The following ABCA13 variants were observed in gnomAD, a reference collection of about 807,000 sequenced individuals.
The protein encoded by ABCA13 is ATP-binding cassette sub-family A member 13.
Under a neutral mutation model 478.7 loss-of-function variants are expected in ABCA13, and 476 were observed. The ratio of observed to expected loss-of-function variants is 0.99; its 90% CI spans 0.92 to 1.07. The LOEUF is 1.07. Among genes scored for constraint, ABCA13 ranks in the 50% least tolerant of loss-of-function variants. ABCA13 has a pLI of 0.00. For synonymous variants in ABCA13, 2,252 were observed against 2,158.9 expected (o/e 1.04, Z -1.20); for missense variants, 6,060 against 5,910.6 (o/e 1.03, Z -0.83).
chr7:48,641,083 T>A (rs1275459341), intron 59 of ABCA13, among the ~76,000 whole-genome samples: 1 of 152,216 alleles, frequency 6.6e-6, no homozygotes. Context: ...ATTTTAATTA[T>A]TAATGTGCAT....
intron 1 of ABCA13, among the ~76,000 whole-genome samples, chr7:48,188,771 A>G (rs998335323): frequency 1.3e-5 from 2 of 152,120 alleles, no homozygotes; most frequent in Non-Finnish European, 2.9e-5. Flanking sequence ...ATGTCTTCCC[A>G]AATGCCATCG....
At position 48,279,261 on chromosome 7, in the gene ABCA13, C is replaced by A. The variant is rs191114477; in HGVS notation, c.8067C>A (p.Asn2689Lys). The A allele has an allele frequency of 6.3e-7, 1 of 1,588,458 alleles. No individual in the cohort carries two copies. The highest frequency in any genetic ancestry group is 1.3e-5 in the African/African-American group (1 of 74,710). ...GCLVPINNITNQMDFLYPNPI... is the reference protein window; with the variant it reads ...GCLVPINNITKQMDFLYPNPI... ...TAGTTCCTATAAATAACATCACCAA[C>A]CAAATGGACTTCTTATACCCTAATC... Residue 2689 changes from asparagine to lysine, a missense_variant, in exon 18 of 62, where the codon AAC becomes AAA. Asn to Lys is a moderately conservative substitution (Grantham distance 94). Coordinates refer to ENST00000435803, the MANE Select transcript of ABCA13 (RefSeq NM_152701.5).
chr7:48,258,047 C>T (rs1164146861), intron 15 of ABCA13, among the ~76,000 whole-genome samples: 1 of 152,164 alleles, frequency 6.6e-6, no homozygotes, highest in Non-Finnish European at 1.5e-5. Context: ...CCTCAACCTC[C>T]CTAGTATCTG....
intron 58 of ABCA13, 34 bp downstream of exon 58, chr7:48,594,847 A>T (rs1192131154): frequency 2.5e-6 from 4 of 1,583,624 alleles, no homozygotes; most frequent in Non-Finnish European, 3.5e-6. Context: ...CCATTTCCTG[A>T]TAAGACTGAG....
chr7:48,330,613 C>G (rs1805214073), intron 27 of ABCA13, among the ~76,000 whole-genome samples: 1 of 151,512 alleles, frequency 6.6e-6, no homozygotes, highest in African/African-American at 2.4e-5. Context: ...ATCCATCCAT[C>G]CATCCATCCA....
chr7:48,557,098 G>A (rs1785912158), intron 55 of ABCA13, among the ~76,000 whole-genome samples: 1 of 151,894 alleles, frequency 6.6e-6, no homozygotes, highest in African/African-American at 2.4e-5. Flanking sequence ...TTTTAATCTT[G>A]TCCTCCAGCT....
At chr7:48,176,752 C>T (rs1173587986) in intron 1 of ABCA13, among the ~76,000 whole-genome samples, 1 of 150,550 alleles carries the variant, frequency 6.6e-6, no homozygotes, top group East Asian at 2.0e-4. Context: ...AGAGATCTAC[C>T]CTGGGGCTAG....
At chr7:48,630,951 A>T (rs1026107056) in intron 59 of ABCA13, among the ~76,000 whole-genome samples, 16 of 150,758 alleles carry the variant, frequency 1.1e-4, no homozygotes, top group Non-Finnish European at 1.8e-4. Flanking sequence ...CTGCTTATAG[A>T]TCTTCTTTTG....
chr7:48,249,660 TC>T (rs1381017437), intron 15 of ABCA13, among the ~76,000 whole-genome samples: 3 of 152,196 alleles, frequency 2.0e-5, no homozygotes, highest in African/African-American at 7.2e-5. Flanking sequence ...ATGATCCTAC[TC>T]ACAAGAGTCC....
chr7:48,283,834 T>G (rs978278413), intron 19 of ABCA13, among the ~76,000 whole-genome samples: 2 of 152,160 alleles, frequency 1.3e-5, no homozygotes, highest in African/African-American at 4.8e-5. Flanking sequence ...AGTGCTGTAA[T>G]GGAAGAAGCA....
chr7:48,561,017 T>C (rs1786398154), intron 55 of ABCA13, among the ~76,000 whole-genome samples: 1 of 152,186 alleles, frequency 6.6e-6, no homozygotes, highest in South Asian at 2.1e-4. Context: ...GTCCATATCA[T>C]CACAAATGAC....
rs374725499 is a variant in ABCA13 at position 48,198,243 on chromosome 7, T to C, written c.170T>C (p.Leu57Ser). ...TCTTTGCATCTATTTCTAGGTTATT[T>C]GCAGCCCCGAGATCTACCCAGCTGT... ...EPPRYRDICY[L>S]QPRDLPSCGV... is the part of the protein sequence containing the mutation. The change falls in exon 3 of 62, where the codon TTG (leucine) becomes TCG (serine). Residue 57 changes from leucine to serine, a missense_variant. Transcript: ENST00000435803. The C allele has an allele frequency of 7.9e-5, 124 of 1,575,170 alleles. No individual in the cohort carries two copies. The highest frequency in any genetic ancestry group is 1.0e-4 in the Non-Finnish European group (118 of 1,161,654).
rs2128748957 is a variant in ABCA13 at position 48,272,086 on chromosome 7, T to G, written c.2420T>G (p.Leu807Arg). 6.2e-7 allele frequency: 1 copy of G among 1,613,734 alleles called. No individual in the cohort carries two copies. The highest frequency in any genetic ancestry group is 2.2e-5 in the East Asian group (1 of 44,864). Residue 807 changes from leucine to arginine, a missense_variant, in exon 17 of 62, where the codon CTC (leucine) becomes CGC (arginine). Leu to Arg is a moderately radical substitution (Grantham distance 102). Coordinates refer to ENST00000435803, the MANE Select transcript of ABCA13 (RefSeq NM_152701.5). ...GNEVIWKMQT[L>R]GSHWIRKEPK... ...GAAGTGATTTGGAAAATGCAGACTC[T>G]CGGAAGTCACTGGATAAGGAAGGAA...
chr7:48,293,192 G>GCC (rs367570188), intron 20 of ABCA13, among the ~76,000 whole-genome samples: 4,382 of 106,926 alleles, frequency 0.041, 666 homozygotes, highest in East Asian at 0.074. Flanking sequence ...GAAGTCTTCA[G>GCC]CCCCCCCCCC....
intron 48 of ABCA13, among the ~76,000 whole-genome samples, chr7:48,494,295 A>G (rs1830083947): frequency 6.6e-6 from 1 of 152,240 alleles, no homozygotes; most frequent in Admixed American, 6.5e-5. Context: ...TCTCCAAATC[A>G]CAATGAGAGA....
intron 39 of ABCA13, 95 bp downstream of exon 39, chr7:48,403,974 T>A: frequency 1.5e-6 from 2 of 1,357,082 alleles, no homozygotes; most frequent in Non-Finnish European, 2.0e-6. Context: ...TGTATCCCAG[T>A]GAGGCTACAT....
intron 59 of ABCA13, among the ~76,000 whole-genome samples, chr7:48,626,414 T>A (rs1473419767): frequency 6.6e-6 from 1 of 152,046 alleles, no homozygotes; most frequent in Non-Finnish European, 1.5e-5. Context: ...ATGTTTGAAA[T>A]AGCTTGATGG....
Position 48,372,160 on chromosome 7 carries a change from T to C in ABCA13, c.10804-8T>C. ...GTGGTAACCTTGGGTTTTTTCTCTTTTTGGTAGTATATGCGGATGATGGGA... is the reference window on the plus strand; with the variant it reads ...GTGGTAACCTTGGGTTTTTTCTCTTCTTGGTAGTATATGCGGATGATGGGA... On this transcript the variant is annotated splice_polypyrimidine_tract_variant and splice_region_variant and intron_variant, in intron 32 of 61. Transcript: ENST00000435803. 6.2e-7 allele frequency: 1 copy of C among 1,605,576 alleles called. No individual in the cohort carries two copies. The highest frequency in any genetic ancestry group is 8.5e-7 in the Non-Finnish European group (1 of 1,174,454).
chr7:48,297,147 G>C, intron 21 of ABCA13, 85 bp from the exon 22 acceptor site: 1 of 1,108,380 alleles, frequency 9.0e-7, no homozygotes, highest in Non-Finnish European at 1.3e-6. Flanking sequence ...TCCATCTCTT[G>C]GGAGCTGAGG....
Sources: gnomAD v4.1 joint callset for allele counts (sites outside exome capture counted in the v4.1 genomes callset) on GRCh38, gnomAD v4.1.1 for gene constraint, MANE v1.5 for transcripts, NCBI Gene and HGNC (gene_info 2026-07-23, HGNC 2026-07-21) for gene names.